Variants in KANK1 observed in about 807,000 individuals in gnomAD.
KANK1 encodes KN motif and ankyrin repeat domains 1.
Under a neutral mutation model 106.2 loss-of-function variants are expected in KANK1, and 109 were observed. That is an observed-to-expected ratio of 1.03 (90% CI 0.88 to 1.20). The LOEUF (loss-of-function observed/expected upper bound fraction) is 1.20. Among genes scored for constraint, KANK1 ranks in the 50% most tolerant of loss-of-function variants. KANK1 has a pLI of 0.00. For missense variants in KANK1, 2,399 were observed against 1,710.7 expected, an observed-to-expected ratio of 1.40 and a Z score of -7.10; for synonymous variants, 873 against 652.2, an observed-to-expected ratio of 1.34 and a Z score of -5.16.
chr9:628,371 C>G (rs971407025), intron 1 of KANK1, among the ~76,000 whole-genome samples: 8 of 152,044 alleles, frequency 5.3e-5, no homozygotes, highest in African/African-American at 1.7e-4. Context: ...TTCTTAGTTC[C>G]AAATCCTGAA....
chr9:527,347 G>A lies in KANK1; in HGVS notation c.-84+22593G>A, dbSNP rs925243014. Among the ~76,000 whole-genome samples the A allele has an allele frequency of 1.3e-5, 2 of 151,746 alleles. 1 individual carries two copies. Among genetic ancestry groups the A allele is most frequent in the African/African-American group, 4.9e-5 (2 of 41,038 alleles). On this transcript the variant is annotated intron_variant, in intron 1 of 11. Coordinates refer to ENST00000382297, the MANE Select transcript of KANK1 (RefSeq NM_015158.5). The stretch of plus-strand genomic sequence containing the variant: ...ATGGAGTTTCACTCTTGTCGCCCTG[G>A]CTGGAGTGCAGTGGCGCGATCTTGG...
intron 1 of KANK1, among the ~76,000 whole-genome samples, chr9:652,463 C>T (rs1168515091): frequency 1.3e-5 from 2 of 152,124 alleles, no homozygotes; most frequent in Non-Finnish European, 2.9e-5. Flanking sequence ...GCAGAGTTTG[C>T]AGTGAGCCGA....
rs7021074 is a variant in KANK1, at chr9:596,052, C to T, written c.-83-80838C>T. On this transcript the variant is annotated intron_variant, in intron 1 of 11. Transcript: ENST00000382297. ...CAAGTTCGTTTATGTTTCATATACA[C>T]CTTATATACAAAGACTGAAGGTAAC... 5.0e-3 allele frequency among the ~76,000 whole-genome samples: 757 copies of T among 151,784 alleles called. 33 individuals carry two copies. Among genetic ancestry groups the T allele is most frequent in the African/African-American group, 0.017 (708 of 41,122 alleles).
intron 2 of KANK1, among the ~76,000 whole-genome samples, chr9:701,208 G>A (rs1422044468): frequency 6.6e-6 from 1 of 152,114 alleles, no homozygotes; most frequent in African/African-American, 2.4e-5. Context: ...CTGCCTCACA[G>A]GTTCAAGCAA....
At chr9:528,734 C>T (rs1327762889) in intron 1 of KANK1, among the ~76,000 whole-genome samples, 21 of 151,856 alleles carry the variant, frequency 1.4e-4, no homozygotes, top group Admixed American at 1.3e-3. Context: ...GTGATCCAGC[C>T]GCCTCGGCCT....
rs199537812 is a variant in KANK1, at chr9:740,853, C to T, written c.3615C>T (p.Leu1205=). 16 of 1,613,760 alleles carry T rather than the reference C, an allele frequency of 9.9e-6. No individual in the cohort carries two copies. The highest frequency in any genetic ancestry group is 1.7e-5 in the Admixed American group (1 of 59,994). The change falls in exon 9 of 12, where the codon CTC becomes CTT. Residue 1205 remains leucine, a synonymous_variant. Coordinates refer to ENST00000382297, the MANE Select transcript of KANK1 (RefSeq NM_015158.5). The part of the protein sequence containing the change: ...AGYTPIMLAA[L]AAVEAEKDMR... The stretch of plus-strand genomic sequence containing the variant: ...ACACCCCCATCATGTTGGCGGCCCT[C>T]GCCGCTGTGGAAGCAGAGAAGGACA...
intron 1 of KANK1, among the ~76,000 whole-genome samples, chr9:644,252 A>C (rs80306981): frequency 0.037 from 5,576 of 151,008 alleles, 180 homozygotes; most frequent in Non-Finnish European, 0.058. Context: ...GAAAGCACTT[A>C]AACAAAACAC....
chr9:740,406 T>C (rs557094071), intron 8 of KANK1, among the ~76,000 whole-genome samples: 2 of 152,274 alleles, frequency 1.3e-5, no homozygotes, highest in South Asian at 2.1e-4. Context: ...AAACACTTCG[T>C]TCATGAATAG....
intron 1 of KANK1, among the ~76,000 whole-genome samples, chr9:641,910 C>T (rs1472271717): frequency 6.6e-6 from 1 of 152,066 alleles, no homozygotes; most frequent in African/African-American, 2.4e-5. Flanking sequence ...TAACCATTGG[C>T]ATAAACAACA....
chr9:618,270 G>A (rs566570626), intron 1 of KANK1, among the ~76,000 whole-genome samples: 8 of 152,154 alleles, frequency 5.3e-5, no homozygotes, highest in South Asian at 2.1e-4. Context: ...GTGCAGTGGC[G>A]TGATCTCAGC....
chr9:666,457 C>G (rs1248261671), intron 1 of KANK1, among the ~76,000 whole-genome samples: 2 of 151,714 alleles, frequency 1.3e-5, no homozygotes, highest in African/African-American at 4.8e-5. Flanking sequence ...TCTTGACTAA[C>G]TGGCCAGGAC....
chr9:608,941 A>T (rs1829955966), intron 1 of KANK1, among the ~76,000 whole-genome samples: 1 of 152,176 alleles, frequency 6.6e-6, no homozygotes, highest in African/African-American at 2.4e-5. Context: ...AAGCATGGGA[A>T]ATAACACATG....
intron 1 of KANK1, among the ~76,000 whole-genome samples, chr9:521,112 GT>G (rs2059528800): frequency 6.6e-6 from 1 of 151,710 alleles, no homozygotes; most frequent in Non-Finnish European, 1.5e-5. Flanking sequence ...GGAAATTTCT[GT>G]CTTATATAAA....
chr9:676,094 G>C (rs1233062796), intron 1 of KANK1, among the ~76,000 whole-genome samples: 1 of 152,130 alleles, frequency 6.6e-6, no homozygotes, highest in Non-Finnish European at 1.5e-5. Context: ...TGGTTTTGGT[G>C]GGTTTTGGAC....
chr9:513,133 C>T (rs1490154111), intron 1 of KANK1, among the ~76,000 whole-genome samples: 1 of 152,206 alleles, frequency 6.6e-6, no homozygotes, highest in East Asian at 1.9e-4. Context: ...TCTTTGTGAG[C>T]CTAGCAGGTG....
intron 1 of KANK1, among the ~76,000 whole-genome samples, chr9:588,402 G>T (rs1047817765): frequency 2.0e-5 from 3 of 152,022 alleles, no homozygotes; most frequent in Admixed American, 6.6e-5. Context: ...AGGATAAATT[G>T]CCAGAAGTGG....
At chr9:674,206 G>A (rs1009321096) in intron 1 of KANK1, 4 of 152,068 alleles carry the variant, frequency 2.6e-5, no homozygotes, top group Non-Finnish European at 4.4e-5. Flanking sequence ...AAAGTCAGGT[G>A]ATTACCCCTT....
intron 1 of KANK1, among the ~76,000 whole-genome samples, chr9:610,335 A>G (rs948464435): frequency 1.3e-5 from 2 of 152,218 alleles, no homozygotes; most frequent in Non-Finnish European, 2.9e-5. Flanking sequence ...TGCTCTCCAA[A>G]GTGAACCATG....
chr9:710,982 A>G lies in KANK1; in HGVS notation c.216A>G (p.Pro72=). 3.1e-6 allele frequency: 5 copies of G among 1,614,224 alleles called. No homozygotes were observed. The highest frequency in any genetic ancestry group is 1.3e-5 in the African/African-American group (1 of 75,052). Residue 72 remains proline, a synonymous_variant, in exon 3 of 12, where the codon CCA becomes CCG. Transcript: ENST00000382297. ...NIQKRRKPSV[P]CPEPRTTSGQ... is the part of the protein sequence containing the mutation. ...AGAAGAGGCGGAAGCCGTCCGTGCC[A>G]TGCCCAGAACCCAGGACCACATCTG...
Sources: allele counts gnomAD v4.1 joint callset (sites outside exome capture counted in the v4.1 genomes callset), GRCh38; gene constraint gnomAD v4.1.1; transcripts MANE v1.5; gene names NCBI Gene and HGNC (gene_info 2026-07-23, HGNC 2026-07-21).